The following ABCA13 variants were observed in gnomAD, a reference collection of about 807,000 sequenced individuals.
The protein encoded by ABCA13 is ATP-binding cassette sub-family A member 13.
ABCA13 carries 476 observed loss-of-function variants against 478.7 expected under a neutral mutation model. The observed-to-expected ratio is 0.99, with a 90% CI of 0.92 to 1.07. ABCA13 has a LOEUF of 1.07. Ranked by LOEUF, ABCA13 falls within the 50% of genes least tolerant of loss-of-function variation. The probability of loss-of-function intolerance (pLI) is 0.00; values close to 1 mark genes in which losing one functional copy is unlikely to be tolerated. For missense variants in ABCA13, 6,060 were observed against 5,910.6 expected (o/e 1.03, Z -0.83); for synonymous variants, 2,252 against 2,158.9 (o/e 1.04, Z -1.20).
At chr7:48,459,971 C>G (rs1345491780) in intron 43 of ABCA13, among the ~76,000 whole-genome samples, 2 of 152,124 alleles carry the variant, frequency 1.3e-5, no homozygotes, top group African/African-American at 4.8e-5. Context: ...CGTGAGCCCT[C>G]CTTGAACATG....
chr7:48,175,181 C>T (rs1414629121), intron 1 of ABCA13, among the ~76,000 whole-genome samples: 1 of 152,134 alleles, frequency 6.6e-6, no homozygotes, highest in African/African-American at 2.4e-5. Context: ...ACATTTTATT[C>T]TAACTGTAAA....
chr7:48,444,910 G>A (rs998270109), intron 42 of ABCA13, among the ~76,000 whole-genome samples: 1 of 152,010 alleles, frequency 6.6e-6, no homozygotes, highest in Admixed American at 6.6e-5. Flanking sequence ...TTATTCATGA[G>A]CCTTTTCCTC....
intron 56 of ABCA13, among the ~76,000 whole-genome samples, chr7:48,585,345 A>T (rs1429179455): frequency 1.3e-5 from 2 of 152,206 alleles, no homozygotes; most frequent in Non-Finnish European, 2.9e-5. Context: ...CAATAAGACC[A>T]ACTACTGGCC....
Position 48,297,404 on chromosome 7 carries a change from T to C in ABCA13, c.9199+93T>C, listed in dbSNP as rs1799531092. 8.1e-6 allele frequency: 10 copies of C among 1,234,494 alleles called. No individual in the cohort carries two copies. The South Asian group carries it at 1.2e-4, about 15-fold the overall frequency. The allele number at this position is 1,234,494 out of a possible 1,614,324, so 76.5% of individuals were successfully genotyped here. ...TTAAAATAAAACATACAACAGAAAA[T>C]TTATGCTATATGTGATACATAATCA... On this transcript the variant is annotated intron_variant, in intron 22 of 61. Coordinates refer to ENST00000435803, the MANE Select transcript of ABCA13 (RefSeq NM_152701.5).
intron 55 of ABCA13, among the ~76,000 whole-genome samples, chr7:48,544,078 A>G (rs943323984): frequency 6.6e-6 from 1 of 151,682 alleles, no homozygotes; most frequent in African/African-American, 2.4e-5. Flanking sequence ...ATCATTTAAA[A>G]TAATATTAAA....
At chr7:48,245,749 T>C in intron 12 of ABCA13, 114 bp from the exon 13 acceptor site, 2 of 1,441,416 alleles carry the variant, frequency 1.4e-6, no homozygotes, top group Non-Finnish European at 1.9e-6. Flanking sequence ...CAAAACTTTA[T>C]GTTGTGTTTA....
chr7:48,480,986 T>C, intron 45 of ABCA13, 50 bp from the exon 46 acceptor site: 1 of 1,233,216 alleles, frequency 8.1e-7, no homozygotes, highest in Non-Finnish European at 1.2e-6. Context: ...AGTGAACCAG[T>C]TTGTGAATTA....
chr7:48,573,764 C>T (rs1787901338), intron 55 of ABCA13, among the ~76,000 whole-genome samples: 1 of 151,994 alleles, frequency 6.6e-6, no homozygotes, highest in African/African-American at 2.4e-5. Context: ...AACAACAGAA[C>T]ACAAACTTAG....
intron 24 of ABCA13, among the ~76,000 whole-genome samples, chr7:48,311,199 G>A (rs886556608): frequency 3.9e-5 from 6 of 152,014 alleles, no homozygotes; most frequent in African/African-American, 9.7e-5. Flanking sequence ...TTTCAGCCAC[G>A]CATGATTTCC....
intron 59 of ABCA13, among the ~76,000 whole-genome samples, chr7:48,636,048 C>T (rs756509037): frequency 6.6e-6 from 1 of 152,146 alleles, no homozygotes; most frequent in Non-Finnish European, 1.5e-5. Context: ...CCTAAAGTGA[C>T]TGTGCCCGTA....
chr7:48,316,953 C>T (rs1240710429), intron 26 of ABCA13, among the ~76,000 whole-genome samples: 4 of 152,178 alleles, frequency 2.6e-5, no homozygotes, highest in Non-Finnish European at 5.9e-5. Context: ...TTAGGCTCCA[C>T]CTCCAACACT....
At chr7:48,422,055 C>CAAAAAA (rs4022355) in intron 41 of ABCA13, among the ~76,000 whole-genome samples, 230 of 80,592 alleles carry the variant, frequency 2.9e-3, no homozygotes, top group East Asian at 3.2e-3. Flanking sequence ...GTCTTTCTTA[C>CAAAAAA]AAAAAAAAAA....
chr7:48,474,032 A>G (rs1827810080), intron 45 of ABCA13, among the ~76,000 whole-genome samples: 1 of 151,924 alleles, frequency 6.6e-6, no homozygotes, highest in South Asian at 2.1e-4. Flanking sequence ...CTTTGCAGTG[A>G]TCAGTTATCT....
intron 18 of ABCA13, 55 bp from the exon 19 acceptor site, chr7:48,281,288 A>T: frequency 7.0e-7 from 1 of 1,423,018 alleles, no homozygotes; most frequent in Non-Finnish European, 9.7e-7. Flanking sequence ...GTAGAGATGC[A>T]CATGGGTTGC....
intron 35 of ABCA13, among the ~76,000 whole-genome samples, chr7:48,378,160 T>A (rs140663132): frequency 6.6e-6 from 1 of 152,276 alleles, no homozygotes; most frequent in East Asian, 1.9e-4. Flanking sequence ...GAGGGCTCAC[T>A]GTCTAGGTCA....
At chr7:48,564,736 T>C (rs1786852897) in intron 55 of ABCA13, among the ~76,000 whole-genome samples, 1 of 151,984 alleles carries the variant, frequency 6.6e-6, no homozygotes, top group South Asian at 2.1e-4. Flanking sequence ...TACTAAAGTT[T>C]AAAAACCTCC....
chr7:48,583,934 A>G (rs960199991), intron 56 of ABCA13, among the ~76,000 whole-genome samples: 4 of 152,234 alleles, frequency 2.6e-5, no homozygotes, highest in South Asian at 4.1e-4. Context: ...AATCTTTCCT[A>G]TGGTTAACCA....
Position 48,234,051 on chromosome 7 carries a change from T to C in ABCA13, c.797T>C (p.Val266Ala), listed in dbSNP as rs1789571307. 1 of 1,614,042 alleles carries C rather than the reference T, an allele frequency of 6.2e-7. No homozygotes were observed. The highest frequency in any genetic ancestry group is 8.5e-7 in the Non-Finnish European group (1 of 1,179,892). The stretch of plus-strand genomic sequence containing the variant: ...TACCACCTGTCCATGCAGAATATAG[T>C]GTGGGATCCACAGAAAGTCCAGTAT... The part of the protein sequence containing the change: ...PVYHLSMQNI[V>A]WDPQKVQYDL... The change falls in exon 8 of 62, where the codon GTG (valine) becomes GCG (alanine). Residue 266 changes from valine to alanine, a missense_variant. Around this residue, in one of 3 missense-constraint regions of ABCA13, gnomAD observed 4,423 missense variants for 4,309.1 expected, o/e 1.03. Transcript: ENST00000435803.
intron 3 of ABCA13, among the ~76,000 whole-genome samples, chr7:48,208,269 A>T (rs1426727155): frequency 2.0e-5 from 3 of 152,064 alleles, no homozygotes; most frequent in African/African-American, 7.2e-5. Flanking sequence ...TGCTTTGGCT[A>T]TTTTAGGTCT....
Sources: gnomAD v4.1 joint callset for allele counts (sites outside exome capture counted in the v4.1 genomes callset) on GRCh38, gnomAD v4.1.1 for gene constraint, gnomAD v4.1.1 regional missense constraint, MANE v1.5 for transcripts, NCBI Gene and HGNC (gene_info 2026-07-23, HGNC 2026-07-21) for gene names.